SERPINB8: variants seen among roughly 807,000 people sequenced by gnomAD.
SERPINB8 encodes the protein serpin family B member 8.
Under a neutral mutation model 35.3 loss-of-function variants are expected in SERPINB8, and 25 were observed. The ratio of observed to expected loss-of-function variants is 0.71; its 90% CI spans 0.52 to 0.99. The LOEUF is 0.99. Ranked by LOEUF, SERPINB8 falls within the 50% of genes least tolerant of loss-of-function variation. The probability of loss-of-function intolerance (pLI) is 0.00; values close to 1 mark genes in which losing one functional copy is unlikely to be tolerated. For synonymous variants in SERPINB8, 186 were observed against 160.8 expected (o/e 1.16, Z -1.19); for missense variants, 484 against 446.5 (o/e 1.08, Z -0.76).
At chr18:63,990,488 C>CT (rs554053029), downstream of SERPINB8, among the ~76,000 whole-genome samples, 18 of 148,290 alleles carry the variant, frequency 1.2e-4, no homozygotes, top group East Asian at 3.9e-4. Flanking sequence ...ATTTTCATTT[C>CT]TTTTTTTTTT....
intron 6 of SERPINB8, 66 bp downstream of exon 6, chr18:63,985,311 C>T (rs2050736876): frequency 6.4e-7 from 1 of 1,563,836 alleles, no homozygotes; most frequent in South Asian, 1.1e-5. Flanking sequence ...TTATGTTCAT[C>T]TACCAATTGG....
chr18:63,991,222 A>T (rs1333434411), downstream of SERPINB8, among the ~76,000 whole-genome samples: 1 of 152,162 alleles, frequency 6.6e-6, no homozygotes, highest in Non-Finnish European at 1.5e-5. Flanking sequence ...TTCCCTGTGA[A>T]TTTTATAATT....
intron 1 of SERPINB8, among the ~76,000 whole-genome samples, chr18:63,973,976 T>C (rs1383551787): frequency 6.6e-6 from 1 of 152,202 alleles, no homozygotes; most frequent in Non-Finnish European, 1.5e-5. Flanking sequence ...GTGGGCTCTT[T>C]TTTGGTTCCA....
intron 7 of SERPINB8, among the ~76,000 whole-genome samples, chr18:64,011,015 G>A (rs757591665): frequency 1.8e-4 from 28 of 151,528 alleles, no homozygotes; most frequent in Non-Finnish European, 1.2e-4. Context: ...ACAATAAAAA[G>A]AAATTTAACA....
At chr18:63,970,196 C>T (rs2050442331) in intron 1 of SERPINB8, 26 bp downstream of exon 1, 2 of 292,690 alleles carry the variant, frequency 6.8e-6, no homozygotes, top group Non-Finnish European at 1.3e-5. Context: ...AGGTACCGGG[C>T]GGGGCAGGCA....
chr18:64,007,904 T>C (rs577786420), downstream of SERPINB8, among the ~76,000 whole-genome samples: 20 of 152,266 alleles, frequency 1.3e-4, 1 homozygote, highest in South Asian at 3.7e-3. Context: ...AAATCAGATA[T>C]GAACTGTACA....
intron 7 of SERPINB8, among the ~76,000 whole-genome samples, chr18:64,016,571 T>G (rs1239095356): frequency 1.3e-5 from 2 of 152,180 alleles, no homozygotes; most frequent in Non-Finnish European, 2.9e-5. Flanking sequence ...GTCACAAAGA[T>G]TCAATATTTG....
intron 7 of SERPINB8, among the ~76,000 whole-genome samples, chr18:64,012,595 G>T (rs2050930766): frequency 6.6e-6 from 1 of 151,962 alleles, no homozygotes; most frequent in Non-Finnish European, 1.5e-5. Flanking sequence ...GTGTGTGCGT[G>T]TGTGTGTAAT....
chr18:64,000,904 G>A (rs1374710000), intron 1 of SERPINB8, among the ~76,000 whole-genome samples: 4 of 152,062 alleles, frequency 2.6e-5, no homozygotes, highest in Admixed American at 2.0e-4. Context: ...TTATCTTCAT[G>A]GTTACATTTG....
intron 1 of SERPINB8, among the ~76,000 whole-genome samples, chr18:63,975,972 G>T (rs2050575322): frequency 6.6e-6 from 1 of 152,184 alleles, no homozygotes; most frequent in East Asian, 1.9e-4. Flanking sequence ...GTAGGCCGCT[G>T]GGAAACTGGA....
chr18:64,007,816 G>A (rs10048400), downstream of SERPINB8, among the ~76,000 whole-genome samples: 89,908 of 151,810 alleles, frequency 0.59, 26,912 homozygotes, highest in East Asian at 0.69. Flanking sequence ...CTCCCACCAG[G>A]CCCCACCTCC....
At chr18:63,973,110 G>A (rs2050519247) in intron 1 of SERPINB8, among the ~76,000 whole-genome samples, 11 of 152,210 alleles carry the variant, frequency 7.2e-5, no homozygotes, top group Admixed American at 7.2e-4. Context: ...CCTACCAAGA[G>A]TTTAAAAGTG....
At chr18:64,013,948 G>T (rs2050937883) in intron 7 of SERPINB8, among the ~76,000 whole-genome samples, 1 of 152,146 alleles carries the variant, frequency 6.6e-6, no homozygotes, top group Admixed American at 6.6e-5. Context: ...GTTAAGTTAG[G>T]CCAGGAAAAA....
intron 1 of SERPINB8, among the ~76,000 whole-genome samples, chr18:63,975,208 A>G (rs1478460702): frequency 6.6e-6 from 1 of 152,016 alleles, no homozygotes; most frequent in Non-Finnish European, 1.5e-5. Context: ...GATCAAATCC[A>G]AATTTATTTG....
At chr18:64,007,225 A>C (rs936388743), downstream of SERPINB8, among the ~76,000 whole-genome samples, 2 of 152,106 alleles carry the variant, frequency 1.3e-5, no homozygotes, top group African/African-American at 4.8e-5. Flanking sequence ...AAAACCTAAG[A>C]GAAACAGAAA....
intron 1 of SERPINB8, among the ~76,000 whole-genome samples, chr18:63,997,775 A>G (rs557100114): frequency 1.8e-4 from 27 of 152,192 alleles, no homozygotes; most frequent in Admixed American, 7.9e-4. Context: ...CTCTCTTGGG[A>G]TGAGACATTC....
chr18:63,974,224 C>T (rs1006107778), intron 1 of SERPINB8, among the ~76,000 whole-genome samples: 2 of 152,154 alleles, frequency 1.3e-5, no homozygotes, highest in Admixed American at 1.3e-4. Flanking sequence ...ACCTGACTGG[C>T]TTGAAACTAC....
At chr18:63,994,787 T>C (rs2050840840) in intron 1 of SERPINB8, among the ~76,000 whole-genome samples, 1 of 152,186 alleles carries the variant, frequency 6.6e-6, no homozygotes, top group Non-Finnish European at 1.5e-5. Flanking sequence ...GATAAGACTG[T>C]TCACCAGACT....
intron 6 of SERPINB8, chr18:63,986,304 C>T (rs1459010433): frequency 1.9e-6 from 3 of 1,609,744 alleles, no homozygotes; most frequent in Non-Finnish European, 2.5e-6. Context: ...CCAGGACAGG[C>T]AGAGGACAAA....
Sources: allele counts gnomAD v4.1 joint callset (sites outside exome capture counted in the v4.1 genomes callset), GRCh38; gene constraint gnomAD v4.1.1; transcripts MANE v1.5; gene names NCBI Gene and HGNC (gene_info 2026-07-23, HGNC 2026-07-21).